Variants in CNTNAP5 observed in about 807,000 individuals in gnomAD.
The protein encoded by CNTNAP5 is contactin associated protein family member 5.
Under a neutral mutation model 150.2 loss-of-function variants are expected in CNTNAP5, and 72 were observed. That is an observed-to-expected ratio of 0.48 (90% CI 0.40 to 0.58). The LOEUF (loss-of-function observed/expected upper bound fraction) is 0.58. CNTNAP5 is among the 20% of genes least tolerant of loss of function. The pLI is 0.00. For missense variants in CNTNAP5, 1,636 were observed against 1,626.2 expected, an observed-to-expected ratio of 1.01 and a Z score of -0.10; for synonymous variants, 672 against 619.8, an observed-to-expected ratio of 1.08 and a Z score of -1.25.
intron 6 of CNTNAP5, among the ~76,000 whole-genome samples, chr2:124,453,524 C>T (rs1693040317): frequency 6.6e-6 from 1 of 152,104 alleles, no homozygotes; most frequent in Non-Finnish European, 1.5e-5. Context: ...ATACAAGAAG[C>T]CCAAAGAACA....
intron 13 of CNTNAP5, among the ~76,000 whole-genome samples, chr2:124,732,136 T>A (rs1680285382): frequency 6.6e-6 from 1 of 152,116 alleles, no homozygotes; most frequent in Non-Finnish European, 1.5e-5. Flanking sequence ...AGTGCACTGC[T>A]GGAAATCTGA....
intron 21 of CNTNAP5, among the ~76,000 whole-genome samples, chr2:124,874,989 T>A (rs2104731335): frequency 6.6e-6 from 1 of 152,200 alleles, no homozygotes; most frequent in Middle Eastern, 3.4e-3. Context: ...AAAGAATTTC[T>A]TCTCAAGATG....
At chr2:124,833,137 T>C (rs1682752427) in intron 19 of CNTNAP5, among the ~76,000 whole-genome samples, 1 of 152,106 alleles carries the variant, frequency 6.6e-6, no homozygotes, top group Admixed American at 6.6e-5. Context: ...CTCAAACTCC[T>C]GAGCTCAAGA....
intron 13 of CNTNAP5, among the ~76,000 whole-genome samples, chr2:124,686,584 C>T (rs1246913520): frequency 6.6e-6 from 1 of 152,106 alleles, no homozygotes; most frequent in Non-Finnish European, 1.5e-5. Context: ...ACATGACAGA[C>T]ATGGGAGTGA....
At position 124,134,360 on chromosome 2, in the gene CNTNAP5, GA is replaced by G. The variant is rs200894367; in HGVS notation, c.83-87333del. On this transcript the variant is annotated intron_variant, in intron 1 of 23. Transcript: ENST00000682447. ...TCCACACTAGTTAGCCCTTGAAAAA[GA>G]AAAAAAAAAAATGGTAAAGCCAAGG... Among the ~76,000 whole-genome samples, 1,234 of 131,690 alleles carry G rather than the reference GA, an allele frequency of 9.4e-3. 9 individuals are homozygous for G. Among genetic ancestry groups the G allele is most frequent in the Middle Eastern group, 0.011 (3 of 262 alleles). The allele number at this position is 131,690 out of a possible 152,430, so 86.4% of individuals were successfully genotyped here.
intron 11 of CNTNAP5, among the ~76,000 whole-genome samples, chr2:124,600,731 C>CAGAGAGAGAGAG (rs374118230): frequency 1.1e-3 from 134 of 124,096 alleles, no homozygotes; most frequent in Middle Eastern, 4.1e-3. Flanking sequence ...CAACAATACT[C>CAGAGAGAGAGAG]AGAGAGAGAG....
At chr2:124,581,368 C>T (rs2104949197) in intron 11 of CNTNAP5, among the ~76,000 whole-genome samples, 1 of 152,182 alleles carries the variant, frequency 6.6e-6, no homozygotes, top group Middle Eastern at 3.4e-3. Context: ...CCTCATTTTT[C>T]TTTCTTTAAA....
chr2:124,152,030 T>C (rs1365663111), intron 1 of CNTNAP5, among the ~76,000 whole-genome samples: 1 of 152,174 alleles, frequency 6.6e-6, no homozygotes, highest in Non-Finnish European at 1.5e-5. Context: ...TGCCATATGG[T>C]GACTCATTAA....
At chr2:124,153,122 A>G (rs1684444628) in intron 1 of CNTNAP5, among the ~76,000 whole-genome samples, 1 of 152,240 alleles carries the variant, frequency 6.6e-6, no homozygotes, top group Admixed American at 6.5e-5. Flanking sequence ...GCATAATGAC[A>G]TGATTTAAAT....
At chr2:124,089,112 T>C (rs1682761605) in intron 1 of CNTNAP5, among the ~76,000 whole-genome samples, 1 of 152,186 alleles carries the variant, frequency 6.6e-6, no homozygotes, top group Non-Finnish European at 1.5e-5. Flanking sequence ...CACCACTGTG[T>C]CCTTTCTGAA....
chr2:124,329,314 G>A (rs757157641), intron 3 of CNTNAP5, among the ~76,000 whole-genome samples: 1 of 152,138 alleles, frequency 6.6e-6, no homozygotes, highest in Non-Finnish European at 1.5e-5. Flanking sequence ...AATCTTTCCA[G>A]GTTATTTGAT....
At chr2:124,664,070 G>A (rs756389495) in intron 13 of CNTNAP5, among the ~76,000 whole-genome samples, 2 of 152,112 alleles carry the variant, frequency 1.3e-5, no homozygotes, top group Non-Finnish European at 2.9e-5. Context: ...GCACAAAGTA[G>A]GTCTCCCTCC....
intron 19 of CNTNAP5, among the ~76,000 whole-genome samples, chr2:124,844,696 T>G (rs1195978321): frequency 6.6e-6 from 1 of 152,046 alleles, no homozygotes; most frequent in African/African-American, 2.4e-5. Flanking sequence ...TTTGTAGTTT[T>G]CCTTGTAGTG....
chr2:124,814,016 T>C (rs900894490), intron 19 of CNTNAP5, among the ~76,000 whole-genome samples: 1 of 152,024 alleles, frequency 6.6e-6, no homozygotes, highest in African/African-American at 2.4e-5. Context: ...AATTCAAATA[T>C]ATTCATGTCA....
At chr2:124,484,999 A>G (rs1045316466) in intron 7 of CNTNAP5, among the ~76,000 whole-genome samples, 2 of 152,158 alleles carry the variant, frequency 1.3e-5, no homozygotes, top group Admixed American at 6.5e-5. Flanking sequence ...GGGACCGGAC[A>G]CTGGATTTGT....
rs576132000 is a variant in CNTNAP5 at position 124,816,731 on chromosome 2, G to A, written c.3217+18411G>A. Among the ~76,000 whole-genome samples, 6 of 152,142 alleles carry A rather than the reference G, an allele frequency of 3.9e-5. No individual in the cohort carries two copies. In the East Asian group the frequency reaches 1.2e-3, roughly 29 times the overall value. On this transcript the variant is annotated intron_variant, in intron 19 of 23. Transcript: ENST00000682447. ...GACCTCAGGTGATCCACCCGCCTCAGCCTCCCAAAGTGCCAGGATTACAAG... is the reference window on the plus strand; with the variant it reads ...GACCTCAGGTGATCCACCCGCCTCAACCTCCCAAAGTGCCAGGATTACAAG...
chr2:124,059,886 A>G (rs1002790727), intron 1 of CNTNAP5, among the ~76,000 whole-genome samples: 9 of 152,150 alleles, frequency 5.9e-5, no homozygotes, highest in African/African-American at 1.9e-4. Flanking sequence ...CTAGTTTTAG[A>G]ATTGCCAACA....
chr2:124,283,779 G>A (rs994166293), intron 3 of CNTNAP5, among the ~76,000 whole-genome samples: 3 of 152,166 alleles, frequency 2.0e-5, no homozygotes, highest in Admixed American at 2.0e-4. Flanking sequence ...TATATCTGGT[G>A]CGGGCTTTCT....
At chr2:124,486,531 G>A (rs369675997) in intron 7 of CNTNAP5, among the ~76,000 whole-genome samples, 7 of 152,272 alleles carry the variant, frequency 4.6e-5, no homozygotes, top group African/African-American at 1.7e-4. Flanking sequence ...TAAATAATTA[G>A]CACAACTGCC....
Sources: allele counts gnomAD v4.1 joint callset (sites outside exome capture counted in the v4.1 genomes callset), GRCh38; gene constraint gnomAD v4.1.1; transcripts MANE v1.5; gene names NCBI Gene and HGNC (gene_info 2026-07-23, HGNC 2026-07-21).